The following ARFGEF1 variants were observed in gnomAD, a reference collection of about 807,000 sequenced individuals.
ARFGEF1 encodes brefeldin A-inhibited guanine nucleotide-exchange protein 1.
Under a neutral mutation model 231.0 loss-of-function variants are expected in ARFGEF1, and 42 were observed. The observed-to-expected ratio is 0.18, with a 90% CI of 0.14 to 0.24. ARFGEF1 has a LOEUF of 0.24. ARFGEF1 is among the 10% of genes least tolerant of loss of function. ARFGEF1 has a pLI of 1.00. For missense variants in ARFGEF1, 1,345 were observed against 2,192.0 expected, an observed-to-expected ratio of 0.61 and a Z score of 7.72; for synonymous variants, 710 against 732.3, an observed-to-expected ratio of 0.97 and a Z score of 0.49.
At chr8:67,201,314 C>CT (rs1306289551) in intron 37 of ARFGEF1, among the ~76,000 whole-genome samples, 153 bp downstream of exon 37, 3 of 152,212 alleles carry the variant, frequency 2.0e-5, no homozygotes, top group Non-Finnish European at 4.4e-5. Context: ...ACACTCATCT[C>CT]TAAGACTGAA....
intron 7 of ARFGEF1, among the ~76,000 whole-genome samples, chr8:67,287,644 C>T (rs1805815824): frequency 6.6e-6 from 1 of 152,156 alleles, no homozygotes; most frequent in Non-Finnish European, 1.5e-5. Context: ...ATATTTTTGT[C>T]TCCATTTAGA....
At chr8:67,304,285 T>G (rs745566324) in intron 1 of ARFGEF1, among the ~76,000 whole-genome samples, 2 of 152,234 alleles carry the variant, frequency 1.3e-5, no homozygotes, top group Non-Finnish European at 2.9e-5. Flanking sequence ...ACATACAAAT[T>G]TACTCATTGC....
intron 5 of ARFGEF1, among the ~76,000 whole-genome samples, chr8:67,175,994 TGAG>T (rs35076376): frequency 5.3e-5 from 8 of 151,684 alleles, no homozygotes; most frequent in Non-Finnish European, 8.8e-5. Context: ...CTGCTGCTCT[TGAG>T]GAGGTTATAT....
At chr8:67,239,011 A>G in intron 20 of ARFGEF1, 118 bp from the exon 21 acceptor site, 1 of 806,244 alleles carries the variant, frequency 1.2e-6, no homozygotes, top group Non-Finnish European at 1.7e-6. Flanking sequence ...TTTTTAATTT[A>G]TTTATTAATT....
intron 5 of ARFGEF1, chr8:67,190,694 C>T (rs771553662): frequency 1.2e-6 from 2 of 1,614,088 alleles, no homozygotes; most frequent in South Asian, 1.1e-5. Context: ...TGACGTCCTC[C>T]CTCCACCATC....
intron 1 of ARFGEF1, among the ~76,000 whole-genome samples, chr8:67,337,128 C>CA (rs1160016610): frequency 0.044 from 2,362 of 53,994 alleles, 278 homozygotes; most frequent in African/African-American, 0.084. Flanking sequence ...GACGCCGTCT[C>CA]AAAAAAAAAA....
intron 5 of ARFGEF1, among the ~76,000 whole-genome samples, chr8:67,293,564 T>A (rs952065189): frequency 3.3e-5 from 5 of 152,142 alleles, no homozygotes; most frequent in African/African-American, 1.2e-4. Context: ...TAAAGTACTA[T>A]CATCTATAAA....
At chr8:67,201,695 C>T (rs1231124779) in intron 36 of ARFGEF1, 90 bp from the exon 37 acceptor site, 3 of 1,546,708 alleles carry the variant, frequency 1.9e-6, no homozygotes, top group Admixed American at 3.8e-5. Flanking sequence ...TTTGTTTGTG[C>T]TCAGCCATCA....
At chr8:67,216,007 A>G (rs983423916) in intron 33 of ARFGEF1, among the ~76,000 whole-genome samples, 3 of 152,220 alleles carry the variant, frequency 2.0e-5, no homozygotes, top group African/African-American at 7.2e-5. Context: ...CAACCCTTAA[A>G]AAATCATTTT....
At chr8:67,311,521 G>A (rs1336300495) in intron 1 of ARFGEF1, among the ~76,000 whole-genome samples, 7 of 141,820 alleles carry the variant, frequency 4.9e-5, no homozygotes, top group Non-Finnish European at 1.1e-4. Context: ...GTGGGGGGGG[G>A]TCAGCCCCCT....
intron 29 of ARFGEF1, among the ~76,000 whole-genome samples, chr8:67,221,556 G>A (rs1839161360): frequency 6.6e-6 from 1 of 152,096 alleles, no homozygotes; most frequent in Non-Finnish European, 1.5e-5. Flanking sequence ...TGTACAATGT[G>A]TTTTAAGCTA....
At chr8:67,217,587 GTTTAA>G (rs764216132) in intron 32 of ARFGEF1, among the ~76,000 whole-genome samples, 190 bp downstream of exon 32, 6 of 152,064 alleles carry the variant, frequency 3.9e-5, no homozygotes, top group Non-Finnish European at 7.4e-5. Context: ...TTTATAAATA[GTTTAA>G]TTTATGTATT....
chr8:67,218,191 TAA>T lies in ARFGEF1; in HGVS notation c.4339-55_4339-54del, dbSNP rs10719102. ...CACGCCATTAATCAACTACTATGAT[TAA>T]AAAAAAAAAAAAAAATATATATATA... On this transcript the variant is annotated intron_variant, in intron 30 of 38. Coordinates refer to ENST00000262215, the MANE Select transcript of ARFGEF1 (RefSeq NM_006421.5). 1,450 of 153,612 alleles carry T rather than the reference TAA, an allele frequency of 9.4e-3. 56 individuals are homozygous for T. The highest frequency in any genetic ancestry group is 0.047 in the African/African-American group (827 of 17,652). The allele number at this position is 153,612 out of a possible 1,614,324, so 9.5% of individuals were successfully genotyped here.
chr8:67,313,597 G>A (rs576243301), intron 1 of ARFGEF1, among the ~76,000 whole-genome samples: 2 of 152,290 alleles, frequency 1.3e-5, no homozygotes, highest in Admixed American at 6.5e-5. Flanking sequence ...CTCCAGGCTT[G>A]GTACTGAGGC....
chr8:67,209,617 T>C (rs1475245267), intron 34 of ARFGEF1, among the ~76,000 whole-genome samples: 3 of 152,252 alleles, frequency 2.0e-5, no homozygotes, highest in African/African-American at 7.2e-5. Flanking sequence ...AAAGCTGTCC[T>C]GTTCTCCTCT....
chr8:67,195,722 A>ATTTT, downstream of ARFGEF1: 1 of 669,400 alleles, frequency 1.5e-6, no homozygotes, highest in Non-Finnish European at 2.6e-6. Flanking sequence ...ATATAAAATT[A>ATTTT]TTTTTATCAT....
chr8:67,255,487 T>G (rs1840426338), intron 17 of ARFGEF1, among the ~76,000 whole-genome samples: 1 of 152,194 alleles, frequency 6.6e-6, no homozygotes, highest in African/African-American at 2.4e-5. Context: ...ATAAATATTC[T>G]GGGTGAAAAG....
intron 29 of ARFGEF1, among the ~76,000 whole-genome samples, chr8:67,222,739 C>T (rs1474902351): frequency 1.3e-5 from 2 of 152,080 alleles, no homozygotes; most frequent in African/African-American, 4.8e-5. Context: ...GTATGGCCAC[C>T]ATGCCTGGCC....
intron 10 of ARFGEF1, among the ~76,000 whole-genome samples, chr8:67,268,771 G>C (rs183645461): frequency 2.6e-5 from 4 of 152,216 alleles, no homozygotes; most frequent in Admixed American, 2.0e-4. Flanking sequence ...GCATACTATT[G>C]TCTTTGAAAT....
Sources: gnomAD v4.1 joint callset for allele counts (sites outside exome capture counted in the v4.1 genomes callset) on GRCh38, gnomAD v4.1.1 for gene constraint, MANE v1.5 for transcripts, NCBI Gene and HGNC (gene_info 2026-07-23, HGNC 2026-07-21) for gene names.